The following CAMKMT variants were observed in gnomAD, a reference collection of about 807,000 sequenced individuals.
CAMKMT encodes the protein calmodulin-lysine N-methyltransferase, also known as CaM KMT.
A neutral mutation model predicts 48.0 loss-of-function variants in CAMKMT; 53 were observed. The ratio of observed to expected loss-of-function variants is 1.10; its 90% CI spans 0.89 to 1.39. The LOEUF (loss-of-function observed/expected upper bound fraction) is 1.39. CAMKMT is among the 40% of genes most tolerant of loss of function. CAMKMT has a pLI of 0.00. For missense variants in CAMKMT, 428 were observed against 402.7 expected (o/e 1.06, Z -0.54); for synonymous variants, 165 against 152.3 (o/e 1.08, Z -0.61).
At position 44,501,536 on chromosome 2, in the gene CAMKMT, C is replaced by G. The variant is rs146917227; in HGVS notation, c.376+111231C>G. ...ATTTAAGTTGCCTATCTCCTATCTC[C>G]TAACTCATTGGGAGGCTGGGTCTTC... On this transcript the variant is annotated intron_variant, in intron 3 of 10. Transcript: ENST00000378494. Among the ~76,000 whole-genome samples the G allele has an allele frequency of 4.0e-3, 605 of 152,276 alleles. 6 individuals are homozygous for G. The highest frequency in any genetic ancestry group is 0.014 in the African/African-American group (567 of 41,548).
chr2:44,460,294 A>G (rs1344927692), intron 3 of CAMKMT, among the ~76,000 whole-genome samples: 1 of 152,226 alleles, frequency 6.6e-6, no homozygotes, highest in Non-Finnish European at 1.5e-5. Flanking sequence ...TTGTTTCAAA[A>G]TAAAAGAGTA....
chr2:44,464,334 A>G (rs1352161367), intron 3 of CAMKMT, among the ~76,000 whole-genome samples: 2 of 152,226 alleles, frequency 1.3e-5, no homozygotes, highest in East Asian at 3.8e-4. Context: ...AGAAAGCCTG[A>G]AGGACTTATG....
chr2:44,387,961 GAGTCT>G (rs1680937956), intron 2 of CAMKMT, among the ~76,000 whole-genome samples: 1 of 152,148 alleles, frequency 6.6e-6, no homozygotes. Context: ...CAGCTCTTAA[GAGTCT>G]TTCCTTCATC....
At chr2:44,550,857 G>C (rs565264576) in intron 3 of CAMKMT, 1 of 152,346 alleles carries the variant, frequency 6.6e-6, no homozygotes, top group South Asian at 2.1e-4. Flanking sequence ...CAAAGGAACT[G>C]TGGGTGTTCT....
At chr2:44,421,537 A>T (rs183340795) in intron 3 of CAMKMT, among the ~76,000 whole-genome samples, 3 of 152,314 alleles carry the variant, frequency 2.0e-5, no homozygotes, top group East Asian at 3.9e-4. Flanking sequence ...AACAGTACAA[A>T]ATGAAGAAAA....
intron 3 of CAMKMT, among the ~76,000 whole-genome samples, chr2:44,563,034 A>T (rs1286604895): frequency 6.6e-6 from 1 of 152,214 alleles, no homozygotes; most frequent in Admixed American, 6.5e-5. Flanking sequence ...TATTTGATCT[A>T]ACCAACTCCT....
chr2:44,732,009 T>G (rs1344156203), intron 7 of CAMKMT, among the ~76,000 whole-genome samples: 1 of 152,240 alleles, frequency 6.6e-6, no homozygotes, highest in Non-Finnish European at 1.5e-5. Flanking sequence ...TGGAGTACAG[T>G]GGCAAGATCA....
chr2:44,514,291 T>A (rs966870511), intron 3 of CAMKMT, among the ~76,000 whole-genome samples: 2 of 151,996 alleles, frequency 1.3e-5, no homozygotes, highest in East Asian at 1.9e-4. Context: ...TTATGCCAGA[T>A]GATGTAGGAA....
chr2:44,593,165 C>G (rs1385248424), intron 3 of CAMKMT, among the ~76,000 whole-genome samples: 1 of 152,150 alleles, frequency 6.6e-6, no homozygotes, highest in Non-Finnish European at 1.5e-5. Flanking sequence ...TTTTTCCACA[C>G]CACTGAGGCA....
chr2:44,403,216 A>G (rs1430508341), intron 3 of CAMKMT, among the ~76,000 whole-genome samples: 1 of 152,114 alleles, frequency 6.6e-6, no homozygotes, highest in Admixed American at 6.6e-5. Context: ...GGCAGTATGT[A>G]TACCTTAGCA....
intron 3 of CAMKMT, among the ~76,000 whole-genome samples, chr2:44,426,020 T>C (rs1273524020): frequency 4.6e-5 from 7 of 152,224 alleles, no homozygotes; most frequent in Admixed American, 2.6e-4. Flanking sequence ...CGTGAGCCAC[T>C]GTGCCCAGCC....
chr2:44,706,366 C>A (rs1427628797), intron 5 of CAMKMT, 25 bp downstream of exon 5: 1 of 1,611,536 alleles, frequency 6.2e-7, no homozygotes, highest in South Asian at 1.1e-5. Flanking sequence ...CATTCCAATC[C>A]CATTCAGAGG....
intron 3 of CAMKMT, among the ~76,000 whole-genome samples, chr2:44,534,378 C>G (rs1666652561): frequency 6.6e-6 from 1 of 152,092 alleles, no homozygotes; most frequent in African/African-American, 2.4e-5. Flanking sequence ...GACTTTATAC[C>G]AAATGGGCTT....
chr2:44,593,702 G>A (rs1042558704), intron 3 of CAMKMT, among the ~76,000 whole-genome samples: 2 of 149,876 alleles, frequency 1.3e-5, no homozygotes, highest in South Asian at 4.2e-4. Context: ...TCTAGTCACT[G>A]TTGCTCCAAC....
intron 3 of CAMKMT, chr2:44,395,132 GTTTCA>G (rs1298942890): frequency 2.8e-6 from 1 of 359,780 alleles, no homozygotes; most frequent in African/African-American, 2.1e-5. Flanking sequence ...TAGTTTTTCT[GTTTCA>G]TTGTTGTTAT....
At chr2:44,469,349 G>GT (rs1668296116) in intron 3 of CAMKMT, among the ~76,000 whole-genome samples, 1 of 75,026 alleles carries the variant, frequency 1.3e-5, no homozygotes, top group Non-Finnish European at 2.8e-5. Flanking sequence ...TATTAAACCT[G>GT]ATTTTTTTTT....
chr2:44,733,326 AC>A (rs1679181562), intron 7 of CAMKMT, among the ~76,000 whole-genome samples: 1 of 152,138 alleles, frequency 6.6e-6, no homozygotes, highest in Admixed American at 6.6e-5. Context: ...GGAAATTCCA[AC>A]TTCCAATTAT....
chr2:44,675,168 C>G (rs1161462830), intron 3 of CAMKMT, among the ~76,000 whole-genome samples: 1 of 152,026 alleles, frequency 6.6e-6, no homozygotes, highest in Non-Finnish European at 1.5e-5. Flanking sequence ...CCATCTTTCT[C>G]CTCTGTATCC....
In CAMKMT at chr2:44,420,826, C is replaced by CT. The variant is rs529869228; in HGVS notation, c.376+30532dup. On this transcript the variant is annotated intron_variant, in intron 3 of 10. Coordinates refer to ENST00000378494, the MANE Select transcript of CAMKMT (RefSeq NM_024766.5). ...CCTATATTCCACTAGCAGAAGCTTA[C>CT]TTTTTTTTTTTCCCCCCTTGGGTAA... Among the ~76,000 whole-genome samples, 376 of 145,852 alleles carry CT rather than the reference C, an allele frequency of 2.6e-3. 1 individual carries two copies. The highest frequency in any genetic ancestry group is 8.7e-3 in the African/African-American group (346 of 39,840).
Sources: gnomAD v4.1 joint callset for allele counts (sites outside exome capture counted in the v4.1 genomes callset) on GRCh38, gnomAD v4.1.1 for gene constraint, MANE v1.5 for transcripts, NCBI Gene and HGNC (gene_info 2026-07-23, HGNC 2026-07-21) for gene names.